CCDC141: variants seen among roughly 807,000 people sequenced by gnomAD.
CCDC141 encodes coiled-coil domain-containing protein 141.
A neutral mutation model predicts 181.0 loss-of-function variants in CCDC141; 168 were observed. That is an observed-to-expected ratio of 0.93 (90% CI 0.82 to 1.05). The LOEUF is 1.05. Ranked by LOEUF, CCDC141 falls within the 50% of genes least tolerant of loss-of-function variation. CCDC141 has a pLI of 0.00. For synonymous variants in CCDC141, 666 were observed against 642.3 expected, an observed-to-expected ratio of 1.04 and a Z score of -0.56; for missense variants, 1,902 against 1,788.5, an observed-to-expected ratio of 1.06 and a Z score of -1.14.
intron 2 of CCDC141, among the ~76,000 whole-genome samples, chr2:179,045,118 G>A (rs569001098): frequency 1.3e-4 from 20 of 149,476 alleles, no homozygotes; most frequent in Middle Eastern, 3.4e-3. Flanking sequence ...CCACTAACTC[G>A]TCATCTAGCA....
chr2:178,828,283 A>G (rs1166935585), downstream of CCDC141, among the ~76,000 whole-genome samples: 1 of 152,146 alleles, frequency 6.6e-6, no homozygotes, highest in Non-Finnish European at 1.5e-5. Context: ...CAAAGCTGAC[A>G]CTCAGCGTCC....
chr2:178,875,897 TGAGA>T (rs1378100065), intron 12 of CCDC141: 1 of 152,018 alleles, frequency 6.6e-6, no homozygotes, highest in Non-Finnish European at 1.5e-5. Flanking sequence ...CGTAGAAGTG[TGAGA>T]GAGAGACAGA....
At chr2:178,925,252 C>G (rs1351732313) in intron 6 of CCDC141, among the ~76,000 whole-genome samples, 1 of 152,114 alleles carries the variant, frequency 6.6e-6, no homozygotes, top group Non-Finnish European at 1.5e-5. Context: ...ATATTTAGTT[C>G]GTTTATTTTA....
intron 6 of CCDC141, among the ~76,000 whole-genome samples, chr2:178,937,685 T>A (rs1689346006): frequency 6.6e-6 from 1 of 152,122 alleles, no homozygotes; most frequent in East Asian, 1.9e-4. Flanking sequence ...GGAATTTGGC[T>A]ATGAATCCAT....
intron 4 of CCDC141, among the ~76,000 whole-genome samples, chr2:178,971,343 G>C (rs937359430): frequency 6.6e-6 from 1 of 152,230 alleles, no homozygotes; most frequent in Admixed American, 6.5e-5. Context: ...CTGGTCATTA[G>C]AGAAATGCAA....
At chr2:178,839,528 C>T (rs982977867) in intron 22 of CCDC141, among the ~76,000 whole-genome samples, 1 of 127,318 alleles carries the variant, frequency 7.9e-6, no homozygotes, top group African/African-American at 3.0e-5. Flanking sequence ...GAGCCGAGAT[C>T]GAGATCGTGC....
chr2:178,914,391 G>C (rs1168938550), intron 7 of CCDC141, among the ~76,000 whole-genome samples: 1 of 152,168 alleles, frequency 6.6e-6, no homozygotes, highest in African/African-American at 2.4e-5. Context: ...CACTCCACTT[G>C]AATCCAGTGG....
At chr2:178,981,699 G>C (rs1691418403) in intron 2 of CCDC141, among the ~76,000 whole-genome samples, 1 of 115,490 alleles carries the variant, frequency 8.7e-6, no homozygotes, top group South Asian at 3.0e-4. Context: ...GAGAGAGAGA[G>C]AGAAAAAAAA....
Position 178,837,352 on chromosome 2 carries a change from C to T in CCDC141, c.3867G>A (p.Arg1289=), listed in dbSNP as rs375789603. 5.6e-6 allele frequency: 9 copies of T among 1,613,972 alleles called. No homozygotes were observed. The highest frequency in any genetic ancestry group is 7.6e-6 in the Non-Finnish European group (9 of 1,179,988). ...GCTCAGCTTTGAACTGGAGGTAAGG[C>T]CTCTCAAAATGACTTGAAAATGTTT... ...KRETFSSHFE[R]PYLQFKAEPP... The change falls in exon 23 of 24, where the codon AGG becomes AGA. Residue 1289 remains arginine, a synonymous_variant. Transcript: ENST00000443758.
chr2:178,980,501 C>A (rs1467455103), intron 2 of CCDC141, among the ~76,000 whole-genome samples: 1 of 152,072 alleles, frequency 6.6e-6, no homozygotes, highest in Non-Finnish European at 1.5e-5. Flanking sequence ...TGTTAGAACT[C>A]TGGAAAGTAG....
At chr2:178,996,458 T>C (rs1692292486) in intron 2 of CCDC141, among the ~76,000 whole-genome samples, 1 of 152,148 alleles carries the variant, frequency 6.6e-6, no homozygotes, top group Admixed American at 6.5e-5. Context: ...GAAAACCAGG[T>C]AAACATGTAA....
chr2:178,838,961 G>T (rs1461154948), intron 22 of CCDC141, among the ~76,000 whole-genome samples: 2 of 152,156 alleles, frequency 1.3e-5, no homozygotes, highest in Admixed American at 1.3e-4. Flanking sequence ...TCTCCTTTCT[G>T]TGCCGTTCCT....
chr2:178,969,104 C>CAAAAAAA (rs55999054), intron 4 of CCDC141, among the ~76,000 whole-genome samples: 1 of 51,172 alleles, frequency 2.0e-5, no homozygotes, highest in African/African-American at 7.8e-5. Context: ...GCTTACCAAC[C>CAAAAAAA]AAAAAAAAAA....
rs1455293543 is a variant in CCDC141, at chr2:178,978,680, G to C, written c.226-5C>G. On this transcript the variant is annotated splice_region_variant and splice_polypyrimidine_tract_variant and intron_variant, in intron 2 of 23. Transcript: ENST00000443758. Reference sequence around the variant, plus strand: ...CCATACCCGATCTTCCAAAGCCTAAGTACAAAAGAAAAAGGCATAAGGCAG... The same window carrying C: ...CCATACCCGATCTTCCAAAGCCTAACTACAAAAGAAAAAGGCATAAGGCAG... 4 of 1,516,982 alleles carry C rather than the reference G, an allele frequency of 2.6e-6. No homozygotes were observed. 94.0% of individuals were successfully genotyped at this position (1,516,982 alleles called of 1,614,324 possible). A position where few individuals can be genotyped will look rare whatever the true frequency, so the allele number is the denominator to read the frequency against.
intron 8 of CCDC141, among the ~76,000 whole-genome samples, chr2:178,889,505 A>G (rs1352969883): frequency 6.6e-6 from 1 of 152,218 alleles, no homozygotes; most frequent in Non-Finnish European, 1.5e-5. Flanking sequence ...TGAACATGAT[A>G]ACCCTTAAAT....
intron 8 of CCDC141, among the ~76,000 whole-genome samples, chr2:178,898,729 C>A (rs1326745667): frequency 2.0e-5 from 3 of 151,890 alleles, no homozygotes; most frequent in Non-Finnish European, 4.4e-5. Flanking sequence ...TAGTGATTAC[C>A]GAACAATAAT....
intron 5 of CCDC141, among the ~76,000 whole-genome samples, chr2:178,956,541 A>T (rs1690169850): frequency 6.6e-6 from 1 of 152,126 alleles, no homozygotes; most frequent in South Asian, 2.1e-4. Flanking sequence ...GGGCTCAAGC[A>T]GTTTGCCCGC....
Position 178,865,916 on chromosome 2 carries a change from G to A in CCDC141, c.2575C>T (p.His859Tyr), listed in dbSNP as rs757304339. The change falls in exon 17 of 24, where the codon CAC becomes TAC. Residue 859 changes from histidine (H) to tyrosine (Y), a missense_variant and splice_region_variant. Physicochemically the swap from His to Tyr is moderately conservative, Grantham distance 83. Coordinates refer to ENST00000443758, the MANE Select transcript of CCDC141 (RefSeq NM_173648.4). ...VDIISSVQRP[H>Y]CSNVSAKNLQ... ...TTCTTTGCAGAAACATTAGAGCAGTGCTAAAAGAGACAAATGGTGGTAACA... is the reference window on the plus strand; with the variant it reads ...TTCTTTGCAGAAACATTAGAGCAGTACTAAAAGAGACAAATGGTGGTAACA... The A allele has an allele frequency of 5.2e-6, 8 of 1,535,312 alleles. No individual in the cohort carries two copies. The highest frequency in any genetic ancestry group is 6.1e-6 in the Non-Finnish European group (7 of 1,140,650).
At chr2:179,032,229 A>AG (rs2043019731) in intron 2 of CCDC141, among the ~76,000 whole-genome samples, 1 of 152,034 alleles carries the variant, frequency 6.6e-6, no homozygotes, top group Non-Finnish European at 1.5e-5. Flanking sequence ...GGATGGGGAG[A>AG]GAAAAAAAGC....
Sources: allele counts gnomAD v4.1 joint callset (sites outside exome capture counted in the v4.1 genomes callset), GRCh38; gene constraint gnomAD v4.1.1; transcripts MANE v1.5; gene names NCBI Gene and HGNC (gene_info 2026-07-23, HGNC 2026-07-21).